Variants in RAB11FIP5 observed in about 807,000 individuals in gnomAD.
The protein encoded by RAB11FIP5 is RAB11 family interacting protein 5.
A neutral mutation model predicts 85.1 loss-of-function variants in RAB11FIP5; 48 were observed. The observed-to-expected ratio is 0.56, with a 90% CI of 0.45 to 0.72. The LOEUF is 0.72. RAB11FIP5 is among the 30% of genes least tolerant of loss of function. The probability of loss-of-function intolerance (pLI) is 0.00; values close to 1 mark genes in which losing one functional copy is unlikely to be tolerated. For synonymous variants in RAB11FIP5, 729 were observed against 727.3 expected (o/e 1.00, Z -0.04); for missense variants, 1,491 against 1,687.0 (o/e 0.88, Z 2.04).
intron 1 of RAB11FIP5, among the ~76,000 whole-genome samples, chr2:73,103,748 G>A (rs930957457): frequency 2.0e-5 from 3 of 152,224 alleles, no homozygotes; most frequent in African/African-American, 7.2e-5. Flanking sequence ...GCCTTTTACA[G>A]GCCATCATCA....
intron 1 of RAB11FIP5, among the ~76,000 whole-genome samples, chr2:73,095,349 C>T (rs1278811911): frequency 6.6e-6 from 1 of 152,258 alleles, no homozygotes; most frequent in Non-Finnish European, 1.5e-5. Context: ...AGAAGACACA[C>T]ATCAGTGCTT....
Position 73,088,931 on chromosome 2 carries a change from G to A in RAB11FIP5, c.816C>T (p.Ala272=), listed in dbSNP as rs143577979. 2.5e-5 allele frequency: 40 copies of A among 1,602,058 alleles called. No individual in the cohort carries two copies. In the East Asian group the frequency reaches 6.3e-4, roughly 25 times the overall value. Residue 272 remains alanine (A), a synonymous_variant, in exon 2 of 6, where the codon GCC becomes GCT. Transcript: ENST00000486777. The part of the protein sequence containing the change: ...SGSLAYQGPG[A]ELLTRSPSRS... Reference sequence around the variant, plus strand: ...GGCTTGGTGAGCGGGTGAGGAGTTCGGCGCCAGGTCCCTGGTAGGCCAAGC... The same window carrying A: ...GGCTTGGTGAGCGGGTGAGGAGTTCAGCGCCAGGTCCCTGGTAGGCCAAGC...
intron 4 of RAB11FIP5, 61 bp from the exon 5 acceptor site, chr2:73,076,243 G>T (rs1305406778): frequency 2.1e-6 from 3 of 1,451,706 alleles, no homozygotes; most frequent in Admixed American, 1.7e-5. Context: ...TCAAAGGTGG[G>T]GCTGCCTTCC....
rs72344675 is a variant in RAB11FIP5, at chr2:73,081,095, TTCC to T, written c.2134_2136del (p.Gly712del). The T allele has an allele frequency of 0.016, 20,146 of 1,227,106 alleles. 299 individuals carry two copies. The highest frequency in any genetic ancestry group is 0.08 in the African/African-American group (5,068 of 63,566). The allele number at this position is 1,227,106 out of a possible 1,614,324, so 76.0% of individuals were successfully genotyped here. The stretch of plus-strand genomic sequence containing the variant: ...TCCAGCCACACGCTGCTCCCACCTC[TTCC>T]TCCTCCTCCTCCTCCTCCTCCTCCT... On this transcript the variant is annotated inframe_deletion, in exon 4 of 6. Coordinates refer to ENST00000486777, the MANE Select transcript of RAB11FIP5 (RefSeq NM_001371272.1). This position sits in a 1 kb window ranked among gnomAD's most constrained non-coding sequence, Gnocchi z 4.2.
intron 1 of RAB11FIP5, among the ~76,000 whole-genome samples, chr2:73,093,332 C>T (rs1684254777): frequency 6.6e-6 from 1 of 152,178 alleles, no homozygotes; most frequent in Non-Finnish European, 1.5e-5. Flanking sequence ...ACCAGGCATA[C>T]ACACTCTGAA....
rs1380737836 is a variant in RAB11FIP5, at chr2:73,088,977, G to A, written c.770C>T (p.Thr257Ile). ...QSNTSLGSDS[T>I]LSSASGSLAY... ...CAAGCTCCCGCTGGCTGAGGACAGGGTGCTGTCCGAGCCCAGCGAGGTGTT... is the reference window on the plus strand; with the variant it reads ...CAAGCTCCCGCTGGCTGAGGACAGGATGCTGTCCGAGCCCAGCGAGGTGTT... The change falls in exon 2 of 6, where the codon ACC becomes ATC. Residue 257 changes from threonine (T) to isoleucine (I), a missense_variant. Physicochemically the swap from Thr to Ile is moderately conservative, Grantham distance 89 (BLOSUM62 -1). Coordinates refer to ENST00000486777, the MANE Select transcript of RAB11FIP5 (RefSeq NM_001371272.1). 4 of 1,614,040 alleles carry A rather than the reference G, an allele frequency of 2.5e-6. No individual in the cohort carries two copies. Among genetic ancestry groups the A allele is most frequent in the Non-Finnish European group, 3.4e-6 (4 of 1,180,032 alleles).
intron 1 of RAB11FIP5, among the ~76,000 whole-genome samples, chr2:73,106,249 C>T (rs78828220): frequency 0.012 from 1,866 of 152,218 alleles, 24 homozygotes; most frequent in Non-Finnish European, 0.019. Context: ...AAATAATGCA[C>T]CAAAACAGGT....
At chr2:73,103,386 A>G (rs7559074) in intron 1 of RAB11FIP5, among the ~76,000 whole-genome samples, 51,682 of 151,960 alleles carry the variant, frequency 0.34, 10,941 homozygotes, top group African/African-American at 0.59. Flanking sequence ...CCTCATCCTA[A>G]TGCTGTAGGC....
chr2:73,100,940 C>T (rs929313653), intron 1 of RAB11FIP5, among the ~76,000 whole-genome samples: 1 of 151,754 alleles, frequency 6.6e-6, no homozygotes, highest in Non-Finnish European at 1.5e-5. Flanking sequence ...AGAGAAAGCT[C>T]GTCCTTATGC....
chr2:73,104,075 C>T (rs746162101), intron 1 of RAB11FIP5, among the ~76,000 whole-genome samples: 76 of 152,116 alleles, frequency 5.0e-4, no homozygotes, highest in Non-Finnish European at 1.0e-3. Flanking sequence ...GTGGTGAGAA[C>T]GTTGCATTTG....
chr2:73,079,246 T>C (rs1683919510), intron 4 of RAB11FIP5, among the ~76,000 whole-genome samples: 1 of 151,976 alleles, frequency 6.6e-6, no homozygotes, highest in African/African-American at 2.4e-5. Context: ...CCCCAAGAAC[T>C]ACCCCCTGAT....
At position 73,112,783 on chromosome 2, in the gene RAB11FIP5, A is replaced by G. The variant is rs1195037011; in HGVS notation, c.-6T>C. On this transcript the variant is annotated 5_prime_UTR_variant, in exon 1 of 6. Transcript: ENST00000486777. ...GCGCCCCGCACCAGGGCCATGGCGG[A>G]GAAGCGGGGGGCGAGGTCTGGCCGA... is the stretch of plus-strand genomic sequence containing the variant. The G allele has an allele frequency of 2.8e-6, 4 of 1,423,668 alleles. No homozygotes were observed. The highest frequency in any genetic ancestry group is 3.6e-6 in the Non-Finnish European group (4 of 1,097,730). The allele number at this position is 1,423,668 out of a possible 1,614,324, so 88.2% of individuals were successfully genotyped here.
chr2:73,093,182 A>G (rs992872770), intron 1 of RAB11FIP5, among the ~76,000 whole-genome samples: 1 of 152,210 alleles, frequency 6.6e-6, no homozygotes, highest in African/African-American at 2.4e-5. Flanking sequence ...ATGGGCTCTG[A>G]GCACCTCATC....
intron 1 of RAB11FIP5, among the ~76,000 whole-genome samples, chr2:73,110,487 C>G (rs1426029190): frequency 6.6e-6 from 1 of 152,002 alleles, no homozygotes; most frequent in East Asian, 1.9e-4. Context: ...GTTCCCCCCC[C>G]GGTTCTATAA....
intron 1 of RAB11FIP5, among the ~76,000 whole-genome samples, chr2:73,093,307 T>A (rs1037479011): frequency 1.3e-5 from 2 of 152,004 alleles, no homozygotes; most frequent in Non-Finnish European, 2.9e-5. Context: ...CCTGGCCCAG[T>A]CCCTCCTCTT....
chr2:73,075,896 G>C lies in RAB11FIP5; in HGVS notation c.3771+97C>G, dbSNP rs866614895. On this transcript the variant is annotated intron_variant, in intron 5 of 5. Transcript: ENST00000486777. This position sits in a 1 kb window ranked among gnomAD's most constrained non-coding sequence, Gnocchi z 4.6. ...CTGGCTTCAGGACTCTGATATGGGG[G>C]ACCTGGCCTGCTCCCTGCCCCACCC... 1 of 1,483,880 alleles carries C rather than the reference G, an allele frequency of 6.7e-7. No homozygotes were observed. The highest frequency in any genetic ancestry group is 2.3e-5 in the East Asian group (1 of 43,870). 91.9% of individuals were successfully genotyped at this position (1,483,880 alleles called of 1,614,324 possible).
rs1177442970 is a variant in RAB11FIP5 at position 73,088,963 on chromosome 2, T to C, written c.784A>G (p.Ser262Gly). The C allele has an allele frequency of 1.2e-6, 2 of 1,613,560 alleles. No individual in the cohort carries two copies. Among genetic ancestry groups the C allele is most frequent in the East Asian group, 4.5e-5 (2 of 44,878 alleles). The change falls in exon 2 of 6, where the codon AGC becomes GGC. Residue 262 changes from serine (S) to glycine (G), a missense_variant. Ser to Gly is a moderately conservative substitution (Grantham distance 56, BLOSUM62 0). This residue lies in a region of RAB11FIP5 where 1,211 missense variants were observed against 1,338.0 expected (regional missense o/e 0.91). Coordinates refer to ENST00000486777, the MANE Select transcript of RAB11FIP5 (RefSeq NM_001371272.1). Reference sequence around the variant, plus strand: ...GGTCCCTGGTAGGCCAAGCTCCCGCTGGCTGAGGACAGGGTGCTGTCCGAG... The same window carrying C: ...GGTCCCTGGTAGGCCAAGCTCCCGCCGGCTGAGGACAGGGTGCTGTCCGAG... ...LGSDSTLSSA[S>G]GSLAYQGPGA...
At position 73,088,892 on chromosome 2, in the gene RAB11FIP5, C is replaced by T. The variant is rs1289783344; in HGVS notation, c.855G>A (p.Leu285=). ...LTRSPSRSSW[L]STEGGRDSAQ... Reference sequence around the variant, plus strand: ...GTGCTTGCTCACCCCCTTCAGTGGACAGCCAGCTGCTACGGCTTGGTGAGC... The same window carrying T: ...GTGCTTGCTCACCCCCTTCAGTGGATAGCCAGCTGCTACGGCTTGGTGAGC... Residue 285 remains leucine, a synonymous_variant, in exon 2 of 6, where the codon CTG becomes CTA. Transcript: ENST00000486777. 5 of 1,578,334 alleles carry T rather than the reference C, an allele frequency of 3.2e-6. No individual in the cohort carries two copies. Among genetic ancestry groups the T allele is most frequent in the Non-Finnish European group, 4.3e-6 (5 of 1,162,000 alleles).
intron 1 of RAB11FIP5, among the ~76,000 whole-genome samples, chr2:73,090,079 C>CCCG (rs1435910044): frequency 6.6e-6 from 1 of 152,166 alleles, no homozygotes; most frequent in Non-Finnish European, 1.5e-5. Flanking sequence ...TTACCTCACT[C>CCCG]CCGCACATAC....
Sources: allele counts gnomAD v4.1 joint callset (sites outside exome capture counted in the v4.1 genomes callset), GRCh38; gene constraint gnomAD v4.1.1; regional missense constraint gnomAD v4.1.1; non-coding constraint Gnocchi (gnomAD v3.1); transcripts MANE v1.5; gene names NCBI Gene and HGNC (gene_info 2026-07-23, HGNC 2026-07-21).